Variants in PAH observed in about 807,000 individuals in gnomAD.
The protein encoded by PAH is phenylalanine-4-hydroxylase.
Under a neutral mutation model 62.0 loss-of-function variants are expected in PAH, and 64 were observed. That is an observed-to-expected ratio of 1.03 (90% CI 0.84 to 1.27). PAH has a LOEUF of 1.27. Among genes scored for constraint, PAH ranks in the 50% most tolerant of loss-of-function variants. The pLI is 0.00. For missense variants in PAH, 579 were observed against 542.8 expected (o/e 1.07, Z -0.66); for synonymous variants, 195 against 196.2 (o/e 0.99, Z 0.05).
At chr12:102,938,984 A>G (rs568707504) in intron 1 of PAH, among the ~76,000 whole-genome samples, 2 of 150,958 alleles carry the variant, frequency 1.3e-5, no homozygotes. Flanking sequence ...CAGCATATCA[A>G]CTCTTTCTGC....
At chr12:102,936,888 A>C (rs1373030332) in intron 1 of PAH, among the ~76,000 whole-genome samples, 2 of 152,174 alleles carry the variant, frequency 1.3e-5, no homozygotes, top group Non-Finnish European at 2.9e-5. Flanking sequence ...TCCCCACTCA[A>C]ATCTCATCTT....
chr12:102,874,819 T>A (rs1243418413), intron 4 of PAH, among the ~76,000 whole-genome samples: 1 of 152,154 alleles, frequency 6.6e-6, no homozygotes, highest in Admixed American at 6.5e-5. Context: ...TTGGAAACAG[T>A]CCTTCCTTTA....
upstream of PAH, chr12:102,958,384 CGCAGAGCGCGCA>C: frequency 6.7e-7 from 1 of 1,493,848 alleles, no homozygotes; most frequent in Non-Finnish European, 8.9e-7. Flanking sequence ...GCAGCGGCAG[CGCAGAGCGCGCA>C]GCAGCAGCAG....
Position 102,849,065 on chromosome 12 carries a change from C to T in PAH, c.913-2114G>A, listed in dbSNP as rs112333253. Among the ~76,000 whole-genome samples the T allele has an allele frequency of 3.3e-3, 501 of 152,284 alleles. 1 individual carries two copies. Among genetic ancestry groups the T allele is most frequent in the African/African-American group, 0.011 (473 of 41,556 alleles). ...CTAGAGGGGGCCACTGAGGAGGCTACCGCAGTCACTAGGATGAGAAATGAT... is the reference window on the plus strand; with the variant it reads ...CTAGAGGGGGCCACTGAGGAGGCTATCGCAGTCACTAGGATGAGAAATGAT... On this transcript the variant is annotated intron_variant, in intron 8 of 12. Transcript: ENST00000553106.
intron 12 of PAH, 116 bp downstream of exon 12, chr12:102,840,284 T>C (rs2136631742): frequency 1.1e-5 from 8 of 733,114 alleles, no homozygotes; most frequent in Non-Finnish European, 1.9e-5. Flanking sequence ...TGGAGGTGCT[T>C]TTCTCCTTAA....
At chr12:102,918,454 T>C (rs77933548), upstream of PAH, among the ~76,000 whole-genome samples, 1 of 151,314 alleles carries the variant, frequency 6.6e-6, no homozygotes, top group Non-Finnish European at 1.5e-5. Context: ...TGAAAATAAA[T>C]AAACAAATAA....
intron 3 of PAH, among the ~76,000 whole-genome samples, chr12:102,892,921 G>T (rs1192355650): frequency 2.6e-5 from 4 of 152,168 alleles, no homozygotes; most frequent in Non-Finnish European, 5.9e-5. Flanking sequence ...TACAAAGCAT[G>T]ATCCCGAATA....
intron 2 of PAH, among the ~76,000 whole-genome samples, chr12:102,911,531 C>T (rs915652241): frequency 8.5e-5 from 13 of 152,136 alleles, no homozygotes; most frequent in African/African-American, 2.7e-4. Context: ...GCAGAAATAG[C>T]TCCTACCTCA....
At chr12:102,882,898 G>A (rs565191702) in intron 3 of PAH, among the ~76,000 whole-genome samples, 2 of 151,878 alleles carry the variant, frequency 1.3e-5, no homozygotes, top group South Asian at 4.2e-4. Flanking sequence ...TTAGCACAGT[G>A]GCCCATAATA....
intron 2 of PAH, among the ~76,000 whole-genome samples, chr12:102,901,674 G>A (rs61942046): frequency 0.17 from 26,241 of 152,030 alleles, 2,639 homozygotes; most frequent in Admixed American, 0.33. Context: ...GACTGGCAAG[G>A]GAGAACTTCT....
intron 8 of PAH, among the ~76,000 whole-genome samples, chr12:102,848,191 G>A (rs1442372768): frequency 3.3e-5 from 3 of 92,250 alleles, no homozygotes; most frequent in African/African-American, 5.7e-5. Flanking sequence ...GATGGTAGGG[G>A]TTGAGGGTAG....
At position 102,866,663 on chromosome 12, in the gene PAH, C is replaced by T. The variant is rs80297647; in HGVS notation, c.442G>A (p.Gly148Ser). 8.7e-6 allele frequency: 14 copies of T among 1,613,196 alleles called. No homozygotes were observed. The highest frequency in any genetic ancestry group is 2.2e-5 in the East Asian group (1 of 44,876). ...GCACGGTACACAGGATCTTTAAAAC[C>T]CTAGGAGAAAAGAGACACCTGATTT... ...YGAELDADHP[G>S]FKDPVYRARR... The change falls in exon 5 of 13, where the codon GGT (glycine) becomes AGT (serine). Residue 148 changes from glycine to serine, a missense_variant and splice_region_variant. Transcript: ENST00000553106.
chr12:102,889,787 C>T (rs77555625), intron 3 of PAH, among the ~76,000 whole-genome samples: 3,047 of 152,324 alleles, frequency 0.02, 101 homozygotes, highest in African/African-American at 0.067. Flanking sequence ...GTCTGCTTCT[C>T]CTGGCTGCAA....
At chr12:102,931,409 C>A (rs142212864) in intron 1 of PAH, among the ~76,000 whole-genome samples, 1 of 152,162 alleles carries the variant, frequency 6.6e-6, no homozygotes, top group African/African-American at 2.4e-5. Flanking sequence ...TGGGGGAATG[C>A]GCCACAGATG....
rs962681533 is a variant in PAH at position 102,844,232 on chromosome 12, A to T, written c.1065+104T>A. The T allele has an allele frequency of 9.2e-5, 76 of 821,842 alleles. No individual in the cohort carries two copies. The East Asian group carries it at 1.6e-3, about 17-fold the overall frequency. The allele number at this position is 821,842 out of a possible 1,614,324, so 50.9% of individuals were successfully genotyped here. A position where few individuals can be genotyped will look rare whatever the true frequency, so the allele number is the denominator to read the frequency against. ...TGGAGAATGAGTTCCCAGGTTGCAT[A>T]TCAAAACGGATACAAATAGGGTTTC... On this transcript the variant is annotated intron_variant, in intron 10 of 12. Transcript: ENST00000553106.
intron 2 of PAH, among the ~76,000 whole-genome samples, chr12:102,899,537 T>C (rs934045071): frequency 6.6e-6 from 1 of 152,096 alleles, no homozygotes; most frequent in Non-Finnish European, 1.5e-5. Flanking sequence ...GTGGTATAAT[T>C]ACACAATGGA....
At chr12:102,949,730 C>A (rs962865082) in intron 1 of PAH, among the ~76,000 whole-genome samples, 1 of 152,160 alleles carries the variant, frequency 6.6e-6, no homozygotes, top group African/African-American at 2.4e-5. Flanking sequence ...GTTTGCATAA[C>A]AAGTCCACCA....
In PAH at chr12:102,866,577, ACAAG is replaced by A. The variant is rs1335303703; in HGVS notation, c.509+15_509+18del. On this transcript the variant is annotated intron_variant, in intron 5 of 12. Coordinates refer to ENST00000553106, the MANE Select transcript of PAH (RefSeq NM_000277.3). ...GGTGTGTTTTTCTCTCTTCCCCTCA[ACAAG>A]CAAGGCAGACTTACTGGCGGTAGTT... The A allele has an allele frequency of 6.2e-7, 1 of 1,606,956 alleles. No individual in the cohort carries two copies. Among genetic ancestry groups the A allele is most frequent in the African/African-American group, 1.3e-5 (1 of 74,782 alleles).
intron 1 of PAH, among the ~76,000 whole-genome samples, chr12:102,956,031 A>G (rs1179329851): frequency 6.6e-6 from 1 of 152,100 alleles, no homozygotes; most frequent in African/African-American, 2.4e-5. Flanking sequence ...TTCCAGAAAC[A>G]CTCAGCCAGC....
Sources: gnomAD v4.1 joint callset for allele counts (sites outside exome capture counted in the v4.1 genomes callset) on GRCh38, gnomAD v4.1.1 for gene constraint, MANE v1.5 for transcripts, NCBI Gene and HGNC (gene_info 2026-07-23, HGNC 2026-07-21) for gene names.